ALK: variants seen among roughly 807,000 people sequenced by gnomAD.
The protein encoded by ALK is ALK tyrosine kinase receptor.
ALK carries 74 observed loss-of-function variants against 163.1 expected under a neutral mutation model. The ratio of observed to expected loss-of-function variants is 0.45; its 90% confidence interval spans 0.38 to 0.55. ALK has a LOEUF of 0.55. Ranked by LOEUF, ALK falls within the 20% of genes least tolerant of loss-of-function variation. ALK has a pLI of 0.00. For missense variants in ALK, 2,063 were observed against 2,105.3 expected, an observed-to-expected ratio of 0.98 and a Z score of 0.39; for synonymous variants, 960 against 843.2, an observed-to-expected ratio of 1.14 and a Z score of -2.40.
At chr2:29,333,668 C>CAT (rs2148263882) in intron 5 of ALK, among the ~76,000 whole-genome samples, 1 of 152,250 alleles carries the variant, frequency 6.6e-6, no homozygotes, top group East Asian at 1.9e-4. Flanking sequence ...TAGGTTGGAG[C>CAT]GTCATGGCGC....
intron 4 of ALK, among the ~76,000 whole-genome samples, chr2:29,454,824 A>T (rs1461633441): frequency 6.6e-6 from 1 of 152,170 alleles, no homozygotes; most frequent in Non-Finnish European, 1.5e-5. Context: ...ATAATTGGCA[A>T]TTGATACATA....
At chr2:29,242,522 C>T (rs982548560) in intron 12 of ALK, among the ~76,000 whole-genome samples, 1 of 152,110 alleles carries the variant, frequency 6.6e-6, no homozygotes, top group Non-Finnish European at 1.5e-5. Flanking sequence ...TTTTCTCACC[C>T]CGCTCCCCTC....
intron 3 of ALK, among the ~76,000 whole-genome samples, chr2:29,656,917 T>C (rs910295113): frequency 2.0e-5 from 3 of 152,198 alleles, no homozygotes; most frequent in Admixed American, 6.6e-5. Context: ...AGAACCTTTT[T>C]TCCTGCTTAT....
Position 29,921,038 on chromosome 2 carries a change from C to G in ALK, c.-379G>C, listed in dbSNP as rs2148444576. On this transcript the variant is annotated 5_prime_UTR_variant, in exon 1 of 29. Coordinates refer to ENST00000389048, the MANE Select transcript of ALK (RefSeq NM_004304.5). The stretch of plus-strand genomic sequence containing the variant: ...GTTGGGTACCGTCCTCTCCTGCCCC[C>G]CGCAGTCGGAGCTGGGGTCTGTCCC... The G allele has an allele frequency of 1.1e-5, 3 of 280,240 alleles. No individual in the cohort carries two copies. Among genetic ancestry groups the G allele is most frequent in the Non-Finnish European group, 1.3e-5 (2 of 148,556 alleles). 17.4% of individuals were successfully genotyped at this position (280,240 alleles called of 1,614,324 possible).
At chr2:29,509,572 T>C (rs1672453140) in intron 4 of ALK, among the ~76,000 whole-genome samples, 2 of 152,212 alleles carry the variant, frequency 1.3e-5, no homozygotes, top group African/African-American at 4.8e-5. Context: ...TTTTATACTT[T>C]TATTCATGAA....
chr2:29,818,880 G>A (rs1407325965), intron 1 of ALK, among the ~76,000 whole-genome samples: 1 of 152,210 alleles, frequency 6.6e-6, no homozygotes, highest in African/African-American at 2.4e-5. Context: ...ACTTCCTTTG[G>A]AAGGCACCCC....
At chr2:29,864,089 G>A (rs1265033932) in intron 1 of ALK, among the ~76,000 whole-genome samples, 2 of 152,110 alleles carry the variant, frequency 1.3e-5, no homozygotes, top group East Asian at 3.9e-4. Context: ...CTAGAAAACT[G>A]AGGCACAGAG....
chr2:29,578,867 G>A (rs956972341), intron 3 of ALK, among the ~76,000 whole-genome samples: 3 of 152,214 alleles, frequency 2.0e-5, no homozygotes, highest in South Asian at 2.1e-4. Context: ...CTGGAGTCCA[G>A]CTCTTCTCCC....
chr2:29,274,288 T>C (rs879454218), intron 11 of ALK, among the ~76,000 whole-genome samples: 6 of 152,268 alleles, frequency 3.9e-5, no homozygotes, highest in Non-Finnish European at 8.8e-5. Context: ...AGATTTATCA[T>C]TGATCTGTTA....
At chr2:29,653,195 T>C (rs1253762371) in intron 3 of ALK, among the ~76,000 whole-genome samples, 1 of 152,148 alleles carries the variant, frequency 6.6e-6, no homozygotes, top group Non-Finnish European at 1.5e-5. Flanking sequence ...ATACATGTGG[T>C]CACAGATGTC....
chr2:29,895,874 G>T (rs1282027716), intron 1 of ALK, among the ~76,000 whole-genome samples: 1 of 152,162 alleles, frequency 6.6e-6, no homozygotes, highest in African/African-American at 2.4e-5. Context: ...AGTGGCTTGG[G>T]GTGAAGAAAG....
At chr2:29,864,721 C>A (rs1666381995) in intron 1 of ALK, among the ~76,000 whole-genome samples, 1 of 152,140 alleles carries the variant, frequency 6.6e-6, no homozygotes, top group Non-Finnish European at 1.5e-5. Flanking sequence ...AGAGTTAAAT[C>A]TATTGAATGG....
chr2:29,733,206 C>T (rs1488295282), intron 1 of ALK, among the ~76,000 whole-genome samples: 1 of 152,202 alleles, frequency 6.6e-6, no homozygotes, highest in Non-Finnish European at 1.5e-5. Context: ...CCCTGGAAGT[C>T]ATACATGAAG....
At chr2:29,375,115 T>C (rs1031583602) in intron 5 of ALK, among the ~76,000 whole-genome samples, 3 of 152,082 alleles carry the variant, frequency 2.0e-5, no homozygotes, top group Non-Finnish European at 4.4e-5. Context: ...CTGTGAATGG[T>C]AATTTCTTCA....
chr2:29,396,836 GTTTTTTTTTTT>G (rs10654058), intron 4 of ALK, among the ~76,000 whole-genome samples: 5 of 46,604 alleles, frequency 1.1e-4, no homozygotes, highest in African/African-American at 4.7e-4. Context: ...TGTTACTATG[GTTTTTTTTTTT>G]TTTTTTTTTT....
chr2:29,276,355 G>T (rs1015317074), intron 9 of ALK, among the ~76,000 whole-genome samples: 1 of 152,200 alleles, frequency 6.6e-6, no homozygotes, highest in Admixed American at 6.5e-5. Flanking sequence ...CTGTGGCCAG[G>T]GAAGGCCTTA....
intron 3 of ALK, among the ~76,000 whole-genome samples, chr2:29,596,178 C>A (rs939578522): frequency 6.6e-6 from 1 of 152,170 alleles, no homozygotes; most frequent in Non-Finnish European, 1.5e-5. Context: ...GTTAAACCTA[C>A]CTCTACCATA....
At chr2:29,842,799 G>T (rs530977557) in intron 1 of ALK, among the ~76,000 whole-genome samples, 1 of 152,166 alleles carries the variant, frequency 6.6e-6, no homozygotes, top group South Asian at 2.1e-4. Flanking sequence ...CTGGGGCTGC[G>T]CAAACATCCA....
At chr2:29,507,908 C>T (rs79677250) in intron 4 of ALK, among the ~76,000 whole-genome samples, 55,944 of 151,994 alleles carry the variant, frequency 0.37, 11,420 homozygotes, top group South Asian at 0.56. Context: ...CAGCGTGGCT[C>T]TGCCGGCAGT....
Sources: gnomAD v4.1 joint callset for allele counts (sites outside exome capture counted in the v4.1 genomes callset) on GRCh38, gnomAD v4.1.1 for gene constraint, MANE v1.5 for transcripts, NCBI Gene and HGNC (gene_info 2026-07-23, HGNC 2026-07-21) for gene names.